Variants in FPR2 observed in about 807,000 individuals in gnomAD.
FPR2 encodes the protein N-formyl peptide receptor 2.
A neutral mutation model predicts 4.0 loss-of-function variants in FPR2; 3 were observed. The observed-to-expected ratio is 0.74, with a 90% confidence interval of 0.34 to 1.92. FPR2 has a LOEUF of 1.92. Among genes scored for constraint, FPR2 ranks in the 30% most tolerant of loss-of-function variants. The pLI is 0.07. For missense variants in FPR2, 372 were observed against 435.7 expected, an observed-to-expected ratio of 0.85 and a Z score of 1.30; for synonymous variants, 179 against 171.5, an observed-to-expected ratio of 1.04 and a Z score of -0.34.
chr19:51,766,698 T>C (rs1488610173), intron 1 of FPR2, among the ~76,000 whole-genome samples: 8 of 152,138 alleles, frequency 5.3e-5, no homozygotes, highest in Non-Finnish European at 4.4e-5. Flanking sequence ...TGGCTGGGCA[T>C]GATGTTGAAA....
rs2083836046 is a variant in FPR2, at chr19:51,761,194, A to C, written c.-51A>C. On this transcript the variant is annotated 5_prime_UTR_variant, in exon 1 of 2. Transcript: ENST00000340023. ...TTAGAGCCGGTGTTGCTCCACAGGAAGCCAAGAAGCACACAGGAAAAGGAG... is the reference window on the plus strand; with the variant it reads ...TTAGAGCCGGTGTTGCTCCACAGGACGCCAAGAAGCACACAGGAAAAGGAG... The C allele has an allele frequency of 6.6e-6, 1 of 152,234 alleles. No individual in the cohort carries two copies. Among genetic ancestry groups the C allele is most frequent in the Non-Finnish European group, 1.5e-5 (1 of 68,038 alleles). 9.4% of individuals were successfully genotyped at this position (152,234 alleles called of 1,614,324 possible). A position where few individuals can be genotyped will look rare whatever the true frequency, so the allele number is the denominator to read the frequency against.
intron 1 of FPR2, 31 bp from the exon 2 acceptor site, chr19:51,768,614 C>G: frequency 6.6e-7 from 1 of 1,520,278 alleles, no homozygotes; most frequent in Non-Finnish European, 8.9e-7. Context: ...GGTTCCACAG[C>G]TGAGAAATGG....
intron 1 of FPR2, 193 bp from the exon 2 acceptor site, chr19:51,768,452 G>C (rs2083879634): frequency 1.8e-6 from 1 of 569,738 alleles, no homozygotes; most frequent in African/African-American, 1.9e-5. Context: ...ATGGGAATAT[G>C]GAGGACTATC....
Position 51,769,847 on chromosome 19 carries a change from TG to T in FPR2, c.*134del. ...TATTTATTCAGGAAAAATGCTTTTG[TG>T]TCCCTGATTTGGGGCTAAGAAATAG... On this transcript the variant is annotated 3_prime_UTR_variant, in exon 2 of 2. Transcript: ENST00000340023. This position sits in a 1 kb window ranked among gnomAD's most constrained non-coding sequence, Gnocchi z 4.4. 1 of 749,774 alleles carries T rather than the reference TG, an allele frequency of 1.3e-6. No individual in the cohort carries two copies. The highest frequency in any genetic ancestry group is 2.2e-6 in the Non-Finnish European group (1 of 457,806). 46.4% of individuals were successfully genotyped at this position (749,774 alleles called of 1,614,324 possible). A position where few individuals can be genotyped will look rare whatever the true frequency, so the allele number is the denominator to read the frequency against.
At chr19:51,762,042 G>A (rs1183213008) in intron 1 of FPR2, among the ~76,000 whole-genome samples, 1 of 151,336 alleles carries the variant, frequency 6.6e-6, no homozygotes, top group African/African-American at 2.4e-5. Context: ...AAGTTTGGAA[G>A]CCATTAGAAG....
At position 51,769,958 on chromosome 19, in the gene FPR2, A is replaced by G; in HGVS notation, c.*244A>G. On this transcript the variant is annotated 3_prime_UTR_variant, in exon 2 of 2. Transcript: ENST00000340023. The surrounding 1 kb of genome is among the most constrained non-coding windows in gnomAD (Gnocchi z 4.4). Reference sequence around the variant, plus strand: ...TGGGGTAAGTGGAGTTGGGAAATACAAGAAGAGAAAGACCAGTGGGGATTT... The same window carrying G: ...TGGGGTAAGTGGAGTTGGGAAATACGAGAAGAGAAAGACCAGTGGGGATTT... 2.0e-6 allele frequency: 1 copy of G among 494,992 alleles called. No individual in the cohort carries two copies. Among genetic ancestry groups the G allele is most frequent in the South Asian group, 3.0e-5 (1 of 33,734 alleles). 30.7% of individuals were successfully genotyped at this position (494,992 alleles called of 1,614,324 possible).
chr19:51,766,443 G>C (rs1341587735), intron 1 of FPR2, among the ~76,000 whole-genome samples: 1 of 152,158 alleles, frequency 6.6e-6, no homozygotes, highest in Non-Finnish European at 1.5e-5. Context: ...AAGGTGCCAA[G>C]GTTGAGAAAC....
At position 51,769,875 on chromosome 19, in the gene FPR2, C is replaced by T; in HGVS notation, c.*161C>T. Reference sequence around the variant, plus strand: ...CCCTGATTTGGGGCTAAGAAATAGACAGTCAGGCTACTAAAATATTAGTGT... The same window carrying T: ...CCCTGATTTGGGGCTAAGAAATAGATAGTCAGGCTACTAAAATATTAGTGT... On this transcript the variant is annotated 3_prime_UTR_variant, in exon 2 of 2. Transcript: ENST00000340023. This position sits in a 1 kb window ranked among gnomAD's most constrained non-coding sequence, Gnocchi z 4.4. The T allele has an allele frequency of 3.1e-6, 2 of 650,446 alleles. No individual in the cohort carries two copies. Among genetic ancestry groups the T allele is most frequent in the Non-Finnish European group, 5.4e-6 (2 of 371,046 alleles). The allele number at this position is 650,446 out of a possible 1,614,324, so 40.3% of individuals were successfully genotyped here. A position where few individuals can be genotyped will look rare whatever the true frequency, so the allele number is the denominator to read the frequency against.
intron 1 of FPR2, among the ~76,000 whole-genome samples, chr19:51,765,928 G>GTATA (rs56111304): frequency 8.6e-5 from 13 of 151,814 alleles, no homozygotes; most frequent in South Asian, 4.2e-4. Flanking sequence ...TCAGAGCCCA[G>GTATA]TATATATATA....
At chr19:51,764,532 C>T (rs1487283879) in intron 1 of FPR2, among the ~76,000 whole-genome samples, 1 of 152,148 alleles carries the variant, frequency 6.6e-6, no homozygotes, top group African/African-American at 2.4e-5. Flanking sequence ...TCAATTGCAA[C>T]CCTCGATAAT....
chr19:51,767,145 A>G (rs35924498), intron 1 of FPR2, among the ~76,000 whole-genome samples: 4,413 of 151,958 alleles, frequency 0.029, 85 homozygotes, highest in Non-Finnish European at 0.041. Flanking sequence ...CTCATCATTT[A>G]CCTCCCATTT....
At chr19:51,765,876 G>A (rs1041876773) in intron 1 of FPR2, among the ~76,000 whole-genome samples, 1 of 152,204 alleles carries the variant, frequency 6.6e-6, no homozygotes. Context: ...CTCATAGTGA[G>A]GAGACATCAC....
intron 1 of FPR2, among the ~76,000 whole-genome samples, chr19:51,764,263 T>C (rs1337400915): frequency 1.3e-5 from 2 of 152,092 alleles, no homozygotes; most frequent in Admixed American, 6.6e-5. Flanking sequence ...CAAGAAGTCT[T>C]TATTCACAGT....
chr19:51,768,456 G>A (rs1003834826), intron 1 of FPR2, 189 bp from the exon 2 acceptor site: 5 of 581,814 alleles, frequency 8.6e-6, no homozygotes, highest in African/African-American at 7.4e-5. Context: ...GAATATGGAG[G>A]ACTATCCCTT....
At chr19:51,767,232 G>A (rs935249756) in intron 1 of FPR2, among the ~76,000 whole-genome samples, 1 of 152,060 alleles carries the variant, frequency 6.6e-6, no homozygotes, top group South Asian at 2.1e-4. Context: ...ATTTTAACAG[G>A]CAGCCTGGAT....
rs776867299 is a variant in FPR2, at chr19:51,769,005, T to C, written c.347T>C (p.Ile116Thr). Residue 116 changes from isoleucine to threonine, a missense_variant, in exon 2 of 2, where the codon ATT becomes ACT. Physicochemically the swap from Ile to Thr is moderately conservative, Grantham distance 89. Transcript: ENST00000340023. This position sits in a 1 kb window ranked among gnomAD's most constrained non-coding sequence, Gnocchi z 4.4. ...DINLFGSVFL[I>T]GFIALDRCIC... ...AACCTCTTTGGAAGTGTCTTCTTGA[T>C]TGGTTTCATTGCACTGGACCGCTGC... The C allele has an allele frequency of 3.1e-6, 5 of 1,614,206 alleles. No individual in the cohort carries two copies. The highest frequency in any genetic ancestry group is 3.4e-6 in the Non-Finnish European group (4 of 1,180,026).
rs1423689771 is a variant in FPR2 at position 51,770,001 on chromosome 19, T to C, written c.*287T>C. The C allele has an allele frequency of 2.9e-6, 1 of 348,062 alleles. No homozygotes were observed. The highest frequency in any genetic ancestry group is 5.0e-5 in the East Asian group (1 of 20,116). The allele number at this position is 348,062 out of a possible 1,614,324, so 21.6% of individuals were successfully genotyped here. A position where few individuals can be genotyped will look rare whatever the true frequency, so the allele number is the denominator to read the frequency against. On this transcript the variant is annotated 3_prime_UTR_variant, in exon 2 of 2. Transcript: ENST00000340023. ...GGGGATTTGTAAGACTTAGATGAGATAGCGCATAATAAGGGGAAGACTTTA... is the reference window on the plus strand; with the variant it reads ...GGGGATTTGTAAGACTTAGATGAGACAGCGCATAATAAGGGGAAGACTTTA...
chr19:51,767,431 T>A (rs536793618), intron 1 of FPR2, among the ~76,000 whole-genome samples: 1 of 151,958 alleles, frequency 6.6e-6, no homozygotes, highest in African/African-American at 2.4e-5. Flanking sequence ...CTCTGAAGGG[T>A]CATATTCTTA....
chr19:51,762,954 A>C (rs2083847691), intron 1 of FPR2: 1 of 152,244 alleles, frequency 6.6e-6, no homozygotes, highest in African/African-American at 2.4e-5. Flanking sequence ...AAGTTTTAAC[A>C]ACTGAATGTT....
Sources: allele counts gnomAD v4.1 joint callset (sites outside exome capture counted in the v4.1 genomes callset), GRCh38; gene constraint gnomAD v4.1.1; non-coding constraint Gnocchi (gnomAD v3.1); transcripts MANE v1.5; gene names NCBI Gene and HGNC (gene_info 2026-07-23, HGNC 2026-07-21).